Variants in KANSL3 observed in about 807,000 individuals in gnomAD.
KANSL3 encodes the protein NSL complex protein NSL3.
A neutral mutation model predicts 89.2 loss-of-function variants in KANSL3; 16 were observed. That is an observed-to-expected ratio of 0.18 (90% CI 0.12 to 0.27). KANSL3 has a LOEUF of 0.27. Among genes scored for constraint, KANSL3 ranks in the 10% least tolerant of loss-of-function variants. The pLI, the probability that KANSL3 is intolerant of heterozygous loss-of-function variation, is 1.00. For missense variants in KANSL3, 879 were observed against 1,110.6 expected (o/e 0.79, Z 2.96); for synonymous variants, 385 against 419.7 (o/e 0.92, Z 1.01).
At chr2:96,612,421 G>T in intron 8 of KANSL3, 41 bp downstream of exon 8, 1 of 1,600,442 alleles carries the variant, frequency 6.2e-7, no homozygotes. Flanking sequence ...ACCCCAGAAT[G>T]CTGGGTATGC....
At chr2:96,601,576 C>A in intron 20 of KANSL3, 67 bp downstream of exon 20, 1 of 1,562,398 alleles carries the variant, frequency 6.4e-7, no homozygotes. Flanking sequence ...CTTCAATCAG[C>A]CAGTCAGCTG....
intron 2 of KANSL3, among the ~76,000 whole-genome samples, chr2:96,635,986 T>C (rs2074187966): frequency 7.2e-6 from 1 of 138,306 alleles, no homozygotes. Context: ...AGAGCAAGAC[T>C]CCATCTCAAA....
At chr2:96,587,749 T>G in the KANSL3 span, among the ~76,000 whole-genome samples, 1 of 152,162 alleles carries the variant, frequency 6.6e-6, no homozygotes, top group South Asian at 2.1e-4. Context: ...AGCCATCATT[T>G]AAAATGCTGC....
the KANSL3 span, among the ~76,000 whole-genome samples, chr2:96,586,130 C>T: frequency 6.6e-6 from 1 of 150,704 alleles, no homozygotes; most frequent in Non-Finnish European, 1.5e-5. Flanking sequence ...GAGGCTGAGG[C>T]ATGAGAATCA....
intron 10 of KANSL3, 85 bp downstream of exon 10, chr2:96,610,979 C>A: frequency 1.3e-6 from 2 of 1,575,482 alleles, no homozygotes; most frequent in South Asian, 2.2e-5. Context: ...CAACTGCAGT[C>A]AGCCTCAGCA....
chr2:96,612,288 G>A lies in KANSL3; in HGVS notation c.1080C>T (p.Ala360=). ...LIGWNTGALV[A]CHVSVMEYVT... Reference sequence around the variant, plus strand: ...TAAGATAGAAATTACTTACATGACAGGCCACCAAAGCTCCTGTGTTCCAGC... The same window carrying A: ...TAAGATAGAAATTACTTACATGACAAGCCACCAAAGCTCCTGTGTTCCAGC... The change falls in exon 9 of 21, where the codon GCC becomes GCT. Residue 360 remains alanine, a synonymous_variant. Coordinates refer to ENST00000431828, the MANE Select transcript of KANSL3 (RefSeq NM_001115016.3). The A allele has an allele frequency of 6.2e-7, 1 of 1,610,710 alleles. No individual in the cohort carries two copies. Among genetic ancestry groups the A allele is most frequent in the African/African-American group, 1.3e-5 (1 of 74,922 alleles).
intron 10 of KANSL3, 53 bp downstream of exon 10, chr2:96,611,011 C>T: frequency 1.3e-6 from 2 of 1,586,546 alleles, no homozygotes; most frequent in Middle Eastern, 1.7e-4. Context: ...AAGGCATGCA[C>T]ACTCGCGCTC....
Position 96,604,819 on chromosome 2 carries a change from C to A in KANSL3, c.1978G>T (p.Ala660Ser). The change falls in exon 16 of 21, where the codon GCA (alanine) becomes TCA (serine). Residue 660 changes from alanine (A) to serine (S), a missense_variant. Ala to Ser is a moderately conservative substitution (Grantham distance 99). Around this residue, in one of 6 missense-constraint regions of KANSL3, gnomAD observed 317 missense variants for 311.2 expected, o/e 1.02. Coordinates refer to ENST00000431828, the MANE Select transcript of KANSL3 (RefSeq NM_001115016.3). ...PITMTLGQAS[A>S]GAKELTGLLT... ...AGTCCTGTGAGCTCCTTGGCCCCTG[C>A]TGAAGCCTGCCCCAGTGTCATGGTG... The A allele has an allele frequency of 6.2e-7, 1 of 1,600,602 alleles. No individual in the cohort carries two copies. The highest frequency in any genetic ancestry group is 8.5e-7 in the Non-Finnish European group (1 of 1,173,656).
chr2:96,602,958 C>A (rs2067400553), intron 17 of KANSL3, 96 bp from the exon 18 acceptor site: 2 of 1,140,140 alleles, frequency 1.8e-6, no homozygotes, highest in Non-Finnish European at 2.6e-6. Context: ...AACTAAAACA[C>A]CAGTGGTGCT....
intron 1 of KANSL3, chr2:96,637,999 G>A (rs916558448): frequency 1.3e-5 from 2 of 152,366 alleles, no homozygotes; most frequent in Admixed American, 1.3e-4. Flanking sequence ...TTTGGCCAAG[G>A]TCATCCAGAG....
At position 96,608,887 on chromosome 2, in the gene KANSL3, G is replaced by A. The variant is rs1374813817; in HGVS notation, c.1561C>T (p.Pro521Ser). The A allele has an allele frequency of 6.3e-7, 1 of 1,579,028 alleles. No individual in the cohort carries two copies. Among genetic ancestry groups the A allele is most frequent in the Non-Finnish European group, 8.6e-7 (1 of 1,162,502 alleles). The change falls in exon 13 of 21, where the codon CCC (proline) becomes TCC (serine). Residue 521 changes from proline (P) to serine (S), a missense_variant. Pro to Ser is a moderately conservative substitution (Grantham distance 74). Coordinates refer to ENST00000431828, the MANE Select transcript of KANSL3 (RefSeq NM_001115016.3). ...SRPASPAAKL[P>S]ASPSGSEDLS... ...ACCTCTGAGCCTGAGGGTGAGGCGG[G>A]CAGCTTGGCAGCTGGGGAGGCAGGT...
At chr2:96,621,559 G>A (rs1274017800) in intron 3 of KANSL3, among the ~76,000 whole-genome samples, 3 of 151,488 alleles carry the variant, frequency 2.0e-5, no homozygotes, top group African/African-American at 7.3e-5. Context: ...GTGGTAGCAT[G>A]TGCCTGTAGT....
chr2:96,615,519 T>C, intron 5 of KANSL3: 4 of 1,287,908 alleles, frequency 3.1e-6, no homozygotes, highest in East Asian at 5.5e-5. Flanking sequence ...GCGAATTCCA[T>C]GCTACCCACA....
Position 96,604,270 on chromosome 2 carries a change from G to A in KANSL3, c.2129C>T (p.Ser710Phe), listed in dbSNP as rs2067629076. 3.1e-6 allele frequency: 5 copies of A among 1,609,856 alleles called. No homozygotes were observed. Among genetic ancestry groups the A allele is most frequent in the Non-Finnish European group, 4.2e-6 (5 of 1,178,434 alleles). Reference sequence around the variant, plus strand: ...GATACCTGGGAGGGAGCTGCCAGGAGATGTGGCCACCAGGCGGCTCTGCAG... The same window carrying A: ...GATACCTGGGAGGGAGCTGCCAGGAAATGTGGCCACCAGGCGGCTCTGCAG... ...HTLQSRLVAT[S>F]PGSSLPGATS... is the part of the protein sequence containing the mutation. Residue 710 changes from serine to phenylalanine, a missense_variant, in exon 17 of 21, where the codon TCT becomes TTT. Ser to Phe is a radical substitution (Grantham distance 155, BLOSUM62 -2). This residue lies in a region of KANSL3 where 317 missense variants were observed against 311.2 expected (regional missense o/e 1.02). Transcript: ENST00000431828.
At chr2:96,633,277 T>C (rs2073735740) in intron 2 of KANSL3, among the ~76,000 whole-genome samples, 1 of 151,258 alleles carries the variant, frequency 6.6e-6, no homozygotes, top group African/African-American at 2.4e-5. Context: ...TTAAATAGAA[T>C]TAAATATTCA....
the KANSL3 span, among the ~76,000 whole-genome samples, chr2:96,587,416 G>A: frequency 6.6e-6 from 1 of 152,196 alleles, no homozygotes; most frequent in East Asian, 1.9e-4. Context: ...CAGGTGGGGA[G>A]CCAAAACTCC....
chr2:96,602,469 G>C, intron 18 of KANSL3, 131 bp from the exon 19 acceptor site: 1 of 700,222 alleles, frequency 1.4e-6, no homozygotes, highest in South Asian at 1.7e-5. Flanking sequence ...TACTCTTCCA[G>C]GCATTTTGCA....
At chr2:96,583,793 TCAAA>T in the KANSL3 span, among the ~76,000 whole-genome samples, 3 of 152,228 alleles carry the variant, frequency 2.0e-5, no homozygotes, top group South Asian at 2.1e-4. Context: ...GAGGAATTGC[TCAAA>T]CAGTTCTTCA....
At chr2:96,616,306 T>A (rs2070100136) in intron 5 of KANSL3, among the ~76,000 whole-genome samples, 1 of 152,168 alleles carries the variant, frequency 6.6e-6, no homozygotes, top group Admixed American at 6.5e-5. Context: ...CTAACAGTAG[T>A]ATATAGCTTT....
Sources: gnomAD v4.1 joint callset for allele counts (sites outside exome capture counted in the v4.1 genomes callset) on GRCh38, gnomAD v4.1.1 for gene constraint, gnomAD v4.1.1 regional missense constraint, MANE v1.5 for transcripts, NCBI Gene and HGNC (gene_info 2026-07-23, HGNC 2026-07-21) for gene names.